The following NCKAP5 variants were observed in gnomAD, a reference collection of about 807,000 sequenced individuals.
NCKAP5 encodes the protein NCK associated protein 5, also known as nck-associated protein 5.
In NCKAP5, 92 loss-of-function variants were observed where a neutral mutation model predicts 167.0. The ratio of observed to expected loss-of-function variants is 0.55; its 90% CI spans 0.47 to 0.66. The LOEUF (loss-of-function observed/expected upper bound fraction) is 0.66, where lower values mean the gene tolerates loss of function less well. NCKAP5 is among the 30% of genes least tolerant of loss of function. The pLI is 0.00. For synonymous variants in NCKAP5, 891 were observed against 877.4 expected (o/e 1.02, Z -0.27); for missense variants, 2,378 against 2,315.0 (o/e 1.03, Z -0.56).
chr2:133,341,117 G>A (rs529655062), intron 3 of NCKAP5, among the ~76,000 whole-genome samples: 2 of 152,084 alleles, frequency 1.3e-5, no homozygotes, highest in South Asian at 2.1e-4. Flanking sequence ...TAGATCAAAT[G>A]GATTCCTTGT....
intron 3 of NCKAP5, among the ~76,000 whole-genome samples, chr2:133,400,076 G>C (rs1184125420): frequency 6.6e-6 from 1 of 151,904 alleles, no homozygotes; most frequent in African/African-American, 2.4e-5. Flanking sequence ...ATTATGTTTG[G>C]TTCTAAATAT....
rs542192972 is a variant in NCKAP5 at position 132,948,805 on chromosome 2, C to A, written c.579+14915G>T. ...CTCTTGCCTTTTCCCCACACCTCCA[C>A]TTTGGCAGGTAGGTAGCAGCCCATG... is the stretch of plus-strand genomic sequence containing the variant. On this transcript the variant is annotated intron_variant, in intron 8 of 19. Transcript: ENST00000409261. Among the ~76,000 whole-genome samples, 3 of 152,250 alleles carry A rather than the reference C, an allele frequency of 2.0e-5. 1 individual carries two copies. The South Asian group carries it at 6.2e-4, about 32-fold the overall frequency.
chr2:133,102,146 GT>G (rs2081534893), intron 6 of NCKAP5, among the ~76,000 whole-genome samples: 1 of 147,680 alleles, frequency 6.8e-6, no homozygotes, highest in Non-Finnish European at 1.5e-5. Context: ...TGTTTTTTTT[GT>G]TTGTTTGCTT....
the NCKAP5 span, among the ~76,000 whole-genome samples, chr2:133,662,891 C>T: frequency 6.6e-6 from 1 of 151,680 alleles, no homozygotes; most frequent in African/African-American, 2.4e-5. Context: ...GTGATGTTCA[C>T]ACTATGCTAC....
At chr2:133,482,865 C>T (rs776639556) in intron 3 of NCKAP5, among the ~76,000 whole-genome samples, 2 of 151,960 alleles carry the variant, frequency 1.3e-5, no homozygotes, top group African/African-American at 2.4e-5. Flanking sequence ...TCATTGAAAT[C>T]GTTGTCTTTT....
chr2:133,032,351 G>A (rs1461671068), intron 6 of NCKAP5, among the ~76,000 whole-genome samples: 1 of 152,238 alleles, frequency 6.6e-6, no homozygotes, highest in Non-Finnish European at 1.5e-5. Flanking sequence ...TGGGATGGCA[G>A]TGGGTATGGG....
chr2:132,942,404 G>A (rs1049740765), intron 8 of NCKAP5, among the ~76,000 whole-genome samples: 8 of 152,210 alleles, frequency 5.3e-5, no homozygotes, highest in Admixed American at 4.6e-4. Context: ...TTTCTGACAA[G>A]TTCCCAGGTG....
chr2:133,674,139 G>A, the NCKAP5 span, among the ~76,000 whole-genome samples: 1 of 151,934 alleles, frequency 6.6e-6, no homozygotes, highest in African/African-American at 2.4e-5. Flanking sequence ...AGCTTCTCCA[G>A]TGAATATCAG....
At chr2:133,626,541 C>T in the NCKAP5 span, among the ~76,000 whole-genome samples, 12 of 144,562 alleles carry the variant, frequency 8.3e-5, no homozygotes. Context: ...AATTTATTTA[C>T]TTATTTGAAT....
intron 4 of NCKAP5, among the ~76,000 whole-genome samples, chr2:133,296,665 C>T (rs559364734): frequency 1.3e-5 from 2 of 152,252 alleles, no homozygotes; most frequent in Non-Finnish European, 2.9e-5. Context: ...AATCTCAGTG[C>T]TGAGTAATCT....
At chr2:132,796,303 G>A (rs887562830) in intron 12 of NCKAP5, among the ~76,000 whole-genome samples, 1 of 152,152 alleles carries the variant, frequency 6.6e-6, no homozygotes, top group Non-Finnish European at 1.5e-5. Context: ...TATCATAAAA[G>A]TAGGATGAAT....
At chr2:132,684,248 G>A (rs1245933189) in intron 19 of NCKAP5, among the ~76,000 whole-genome samples, 2 of 152,220 alleles carry the variant, frequency 1.3e-5, no homozygotes, top group Non-Finnish European at 2.9e-5. Context: ...CAATGCGATT[G>A]CTATGAGAAT....
intron 8 of NCKAP5, among the ~76,000 whole-genome samples, chr2:132,898,033 A>G (rs1291441661): frequency 2.6e-5 from 4 of 152,236 alleles, no homozygotes; most frequent in African/African-American, 9.6e-5. Context: ...TTTCTATAGC[A>G]AGCAATGCTG....
intron 3 of NCKAP5, among the ~76,000 whole-genome samples, chr2:133,498,731 T>C (rs1301264572): frequency 6.6e-6 from 1 of 152,102 alleles, no homozygotes; most frequent in African/African-American, 2.4e-5. Context: ...AAAGACATAC[T>C]GTAAAAGAAG....
chr2:133,003,157 T>A (rs1287137676), intron 6 of NCKAP5, among the ~76,000 whole-genome samples: 5 of 152,318 alleles, frequency 3.3e-5, no homozygotes, highest in Non-Finnish European at 5.9e-5. Context: ...CCTGGCAGAC[T>A]AATCTCTGCC....
intron 12 of NCKAP5, 125 bp from the exon 13 acceptor site, chr2:132,790,330 T>C: frequency 6.0e-6 from 5 of 828,228 alleles, no homozygotes; most frequent in Non-Finnish European, 9.3e-6. Flanking sequence ...TACATCCTGA[T>C]AAACCCATGG....
At chr2:133,069,132 A>G (rs556634318) in intron 6 of NCKAP5, among the ~76,000 whole-genome samples, 3 of 152,216 alleles carry the variant, frequency 2.0e-5, no homozygotes, top group Admixed American at 6.5e-5. Context: ...TCACGGTTCA[A>G]TGGAGAGATG....
At chr2:133,149,118 G>A (rs2083297597) in intron 5 of NCKAP5, among the ~76,000 whole-genome samples, 1 of 152,006 alleles carries the variant, frequency 6.6e-6, no homozygotes, top group Non-Finnish European at 1.5e-5. Flanking sequence ...TCATAACAAG[G>A]CTTTATTCCA....
At chr2:133,648,257 A>G in the NCKAP5 span, among the ~76,000 whole-genome samples, 6 of 150,016 alleles carry the variant, frequency 4.0e-5, no homozygotes, top group African/African-American at 1.2e-4. Context: ...TTAGCTAGAT[A>G]TATTAAAAAA....
Sources: gnomAD v4.1 joint callset for allele counts (sites outside exome capture counted in the v4.1 genomes callset) on GRCh38, gnomAD v4.1.1 for gene constraint, MANE v1.5 for transcripts, NCBI Gene and HGNC (gene_info 2026-07-23, HGNC 2026-07-21) for gene names.